RBFOX1: variants seen among roughly 807,000 people sequenced by gnomAD.
RBFOX1 encodes RNA binding protein fox-1 homolog 1.
In RBFOX1, 8 loss-of-function variants were observed where a neutral mutation model predicts 57.7. The observed-to-expected ratio is 0.14, with a 90% CI of 0.08 to 0.25. The LOEUF (loss-of-function observed/expected upper bound fraction) is 0.25, where lower values mean the gene tolerates loss of function less well. RBFOX1 is among the 10% of genes least tolerant of loss of function. RBFOX1 has a pLI of 1.00. For synonymous variants in RBFOX1, 326 were observed against 222.4 expected (o/e 1.47, Z -4.15); for missense variants, 611 against 548.5 (o/e 1.11, Z -1.14).
At chr16:7,545,577 C>T (rs1045427058) in intron 5 of RBFOX1, among the ~76,000 whole-genome samples, 3 of 152,132 alleles carry the variant, frequency 2.0e-5, no homozygotes, top group South Asian at 2.1e-4. Flanking sequence ...AATGCTACTG[C>T]GGCTGTTTTA....
chr16:6,889,284 A>G (rs746234775), intron 3 of RBFOX1, among the ~76,000 whole-genome samples: 3 of 152,306 alleles, frequency 2.0e-5, no homozygotes, highest in Non-Finnish European at 4.4e-5. Context: ...TGCTTTGACC[A>G]GTGAACTGTG....
chr16:7,682,968 C>G (rs1159638666), intron 14 of RBFOX1, among the ~76,000 whole-genome samples: 1 of 43,206 alleles, frequency 2.3e-5, no homozygotes, highest in Non-Finnish European at 4.5e-5. Flanking sequence ...ACAAAGCACA[C>G]ATGCCAGATA....
intron 1 of RBFOX1, among the ~76,000 whole-genome samples, chr16:5,299,860 C>G (rs188272345): frequency 5.3e-5 from 8 of 152,026 alleles, no homozygotes; most frequent in South Asian, 2.1e-4. Context: ...GTATCCTTGT[C>G]TTATTCCTGA....
chr16:5,908,095 T>TATATATATATATATAC (rs1567133450), intron 4 of RBFOX1, among the ~76,000 whole-genome samples: 7 of 139,868 alleles, frequency 5.0e-5, no homozygotes, highest in African/African-American at 1.8e-4. Context: ...TACACATATA[T>TATATATATATATATAC]ACACATATAT....
chr16:6,301,507 T>C (rs977925724), intron 1 of RBFOX1, among the ~76,000 whole-genome samples: 4 of 152,194 alleles, frequency 2.6e-5, no homozygotes, highest in African/African-American at 9.6e-5. Flanking sequence ...TTATGAGATC[T>C]AGTTTCCGGA....
chr16:7,006,428 C>T (rs2093302280), intron 3 of RBFOX1, among the ~76,000 whole-genome samples: 1 of 152,146 alleles, frequency 6.6e-6, no homozygotes, highest in East Asian at 1.9e-4. Flanking sequence ...GCTGGGATTA[C>T]AGGCTTGAGC....
rs74430483 is a variant in RBFOX1 at position 7,195,217 on chromosome 16, C to T, written c.27+143119C>T. On this transcript the variant is annotated intron_variant, in intron 4 of 15. Transcript: ENST00000550418. ...GACTCTGTTCATGGACTGAGTTTCCCAGAATAGCCTTATATTTGGTGATAA... is the reference window on the plus strand; with the variant it reads ...GACTCTGTTCATGGACTGAGTTTCCTAGAATAGCCTTATATTTGGTGATAA... Among the ~76,000 whole-genome samples, 823 of 152,258 alleles carry T rather than the reference C, an allele frequency of 5.4e-3. 5 individuals carry two copies. Among genetic ancestry groups the T allele is most frequent in the African/African-American group, 0.019 (779 of 41,548 alleles).
intron 1 of RBFOX1, among the ~76,000 whole-genome samples, chr16:5,404,152 G>C (rs765945513): frequency 6.6e-6 from 1 of 151,854 alleles, no homozygotes; most frequent in Non-Finnish European, 1.5e-5. Context: ...GGAGGGGTGA[G>C]GAGATATGGG....
intron 4 of RBFOX1, among the ~76,000 whole-genome samples, chr16:7,460,766 A>G (rs1482150150): frequency 6.6e-6 from 1 of 152,116 alleles, no homozygotes; most frequent in Non-Finnish European, 1.5e-5. Flanking sequence ...AGATAAATAA[A>G]TAAAAGCTAT....
chr16:7,336,942 T>C (rs2096799178), intron 4 of RBFOX1, among the ~76,000 whole-genome samples: 1 of 152,218 alleles, frequency 6.6e-6, no homozygotes, highest in African/African-American at 2.4e-5. Flanking sequence ...GGAATATTTA[T>C]GTGTTTGATT....
intron 3 of RBFOX1, among the ~76,000 whole-genome samples, chr16:7,005,499 G>A (rs7202214): frequency 0.17 from 26,182 of 152,188 alleles, 4,559 homozygotes; most frequent in African/African-American, 0.44. Context: ...AGTAATGGCA[G>A]GTGAACGAGA....
intron 5 of RBFOX1, among the ~76,000 whole-genome samples, chr16:7,527,660 C>T (rs1385282773): frequency 6.6e-6 from 1 of 152,142 alleles, no homozygotes; most frequent in Non-Finnish European, 1.5e-5. Flanking sequence ...CATAACTTCT[C>T]TGAGCCTGTT....
chr16:6,819,727 AAAAAT>A (rs1419594346), intron 3 of RBFOX1, among the ~76,000 whole-genome samples: 3 of 106,148 alleles, frequency 2.8e-5, no homozygotes, highest in Non-Finnish European at 6.4e-5. Context: ...AAAAAAAAAA[AAAAAT>A]AACAACACCA....
intron 4 of RBFOX1, among the ~76,000 whole-genome samples, chr16:7,203,674 A>G (rs1159820791): frequency 6.6e-6 from 1 of 152,124 alleles, no homozygotes; most frequent in Non-Finnish European, 1.5e-5. Flanking sequence ...TCTATGTGTG[A>G]GCCCTAGTCC....
rs1201281097 is a variant in RBFOX1 at position 5,423,632 on chromosome 16, T to G, written c.220-43584T>G. 3.3e-5 allele frequency among the ~76,000 whole-genome samples: 5 copies of G among 152,324 alleles called. No homozygotes were observed. In the South Asian group the frequency reaches 1.0e-3, roughly 32 times the overall value. ...GTCTGTGAGCAGGGGCGGCCCATCC[T>G]GCCTGTGCTGCTGTCTTATTGATAT... On this transcript the variant is annotated intron_variant, in intron 1 of 2. Transcript: ENST00000585867.
rs982285441 is a variant in RBFOX1, at chr16:6,714,203, T to C, written c.-16+59553T>C. ...ATGCCTGCCTCAACTTCTGCCAAGA[T>C]TGTAGGTTTCCTGAGGCCTCTCCAG... On this transcript the variant is annotated intron_variant, in intron 3 of 15. Coordinates refer to ENST00000550418, the MANE Select transcript of RBFOX1 (RefSeq NM_018723.4). 6.6e-5 allele frequency among the ~76,000 whole-genome samples: 10 copies of C among 152,320 alleles called. No homozygotes were observed. The East Asian group carries it at 1.5e-3, about 24-fold the overall frequency.
At position 7,378,325 on chromosome 16, in the gene RBFOX1, A is replaced by G. The variant is rs148128173; in HGVS notation, c.28-139822A>G. 4.0e-4 allele frequency among the ~76,000 whole-genome samples: 61 copies of G among 152,286 alleles called. 2 individuals carry two copies. In the East Asian group the frequency reaches 0.012, roughly 29 times the overall value. On this transcript the variant is annotated intron_variant, in intron 4 of 15. Coordinates refer to ENST00000550418, the MANE Select transcript of RBFOX1 (RefSeq NM_018723.4). ...GGTGATGACGAAGCTTCTATCTTTC[A>G]GGGTCTACGGTTTAGGGATTGAGAG... is the stretch of plus-strand genomic sequence containing the variant.
chr16:6,774,430 A>G (rs2078984644), intron 3 of RBFOX1, among the ~76,000 whole-genome samples: 3 of 152,150 alleles, frequency 2.0e-5, no homozygotes, highest in Non-Finnish European at 4.4e-5. Flanking sequence ...ACTCTAAATA[A>G]TAGGTTCCAG....
chr16:6,407,001 C>T (rs1406165746), intron 2 of RBFOX1, among the ~76,000 whole-genome samples: 2 of 152,024 alleles, frequency 1.3e-5, no homozygotes, highest in South Asian at 2.1e-4. Flanking sequence ...TCTGGAGGTC[C>T]CAATGAGATA....
Sources: gnomAD v4.1 joint callset for allele counts (sites outside exome capture counted in the v4.1 genomes callset) on GRCh38, gnomAD v4.1.1 for gene constraint, MANE v1.5 for transcripts, NCBI Gene and HGNC (gene_info 2026-07-23, HGNC 2026-07-21) for gene names.